Variants in FGGY observed in about 807,000 individuals in gnomAD.
The protein encoded by FGGY is FGGY carbohydrate kinase domain-containing protein.
Under a neutral mutation model 71.3 loss-of-function variants are expected in FGGY, and 72 were observed. The ratio of observed to expected loss-of-function variants is 1.01; its 90% CI spans 0.84 to 1.23. FGGY has a LOEUF of 1.23. Ranked by LOEUF, FGGY falls within the 50% of genes most tolerant of loss-of-function variation. The probability of loss-of-function intolerance (pLI) is 0.00; values close to 1 mark genes in which losing one functional copy is unlikely to be tolerated. For missense variants in FGGY, 668 were observed against 682.3 expected (o/e 0.98, Z 0.23); for synonymous variants, 251 against 250.3 (o/e 1.00, Z -0.02).
At chr1:59,345,189 T>G (rs1570710729) in intron 3 of FGGY, among the ~76,000 whole-genome samples, 2 of 152,308 alleles carry the variant, frequency 1.3e-5, no homozygotes, top group East Asian at 3.9e-4. Flanking sequence ...TTACAAACAT[T>G]TACTATTAGC....
intron 8 of FGGY, among the ~76,000 whole-genome samples, chr1:59,576,473 C>T (rs565725181): frequency 8.5e-5 from 13 of 152,108 alleles, no homozygotes; most frequent in South Asian, 8.3e-4. Flanking sequence ...GCCTAGATGA[C>T]GGGTTGATAG....
chr1:59,691,868 T>C (rs1008163951), intron 14 of FGGY, among the ~76,000 whole-genome samples: 4 of 152,180 alleles, frequency 2.6e-5, no homozygotes, highest in Non-Finnish European at 4.4e-5. Context: ...ACTTACTTTA[T>C]TTTTGTCATT....
chr1:59,510,040 CTTTTTT>C (rs10608143), intron 6 of FGGY, among the ~76,000 whole-genome samples: 12 of 139,946 alleles, frequency 8.6e-5, no homozygotes, highest in African/African-American at 2.5e-4. Context: ...TTTCTTTTTT[CTTTTTT>C]TTTTTTTTTA....
intron 6 of FGGY, among the ~76,000 whole-genome samples, chr1:59,508,561 C>G (rs2094447964): frequency 6.6e-6 from 1 of 152,130 alleles, no homozygotes; most frequent in African/African-American, 2.4e-5. Flanking sequence ...GCTCTAGTGC[C>G]CTCAGTGTAC....
chr1:59,387,825 A>G (rs1461126664), intron 5 of FGGY, among the ~76,000 whole-genome samples: 2 of 152,164 alleles, frequency 1.3e-5, no homozygotes, highest in Non-Finnish European at 2.9e-5. Context: ...TGATCAGCCA[A>G]TACTAACAAC....
intron 11 of FGGY, among the ~76,000 whole-genome samples, chr1:59,638,665 A>G (rs1299999697): frequency 6.6e-6 from 1 of 152,140 alleles, no homozygotes; most frequent in Non-Finnish European, 1.5e-5. Context: ...TTTGGCATTT[A>G]TATCAGTTTG....
intron 6 of FGGY, among the ~76,000 whole-genome samples, chr1:59,501,804 G>C (rs1479362525): frequency 6.6e-6 from 1 of 152,126 alleles, no homozygotes. Flanking sequence ...CACAGGTTCT[G>C]CAGTTTGCTC....
rs1571235915 is a variant in FGGY, at chr1:59,374,849, A to G, written c.466-3900A>G. ...CGCATATTCTCACTCATAGGTGGGAATTGAACAATGGGAACACATGGTCAC... is the reference window on the plus strand; with the variant it reads ...CGCATATTCTCACTCATAGGTGGGAGTTGAACAATGGGAACACATGGTCAC... On this transcript the variant is annotated intron_variant, in intron 4 of 15. Coordinates refer to ENST00000303721, the MANE Select transcript of FGGY (RefSeq NM_018291.5). 3.6e-5 allele frequency among the ~76,000 whole-genome samples: 5 copies of G among 139,754 alleles called. No individual in the cohort carries two copies. The South Asian group carries it at 1.1e-3, about 32-fold the overall frequency. The allele number at this position is 139,754 out of a possible 152,430, so 91.7% of individuals were successfully genotyped here.
Position 59,378,814 on chromosome 1 carries a change from G to A in FGGY, c.531G>A (p.Trp177Ter), listed in dbSNP as rs1328662307. ...HFFDLPDFLS[W>*]KATGVTARSL... ...TTGATCTCCCGGACTTCTTATCGTG[G>A]AAGGCAACAGGTGTCACAGCACGGT... The change falls in exon 5 of 16, where the codon TGG (tryptophan) becomes TGA (stop). Residue 177 changes from tryptophan (W) to a stop codon, truncating the protein, a stop_gained. Transcript: ENST00000303721. LOFTEE classifies it high-confidence loss of function. The A allele has an allele frequency of 6.2e-7, 1 of 1,613,472 alleles. No individual in the cohort carries two copies. Among genetic ancestry groups the A allele is most frequent in the East Asian group, 2.2e-5 (1 of 44,862 alleles).
intron 2 of FGGY, among the ~76,000 whole-genome samples, chr1:59,330,938 G>A (rs922058829): frequency 1.3e-5 from 2 of 152,134 alleles, no homozygotes; most frequent in Admixed American, 6.5e-5. Flanking sequence ...ATGTCAGGAG[G>A]CAGACATCCT....
At chr1:59,457,219 T>G (rs919617295) in intron 6 of FGGY, 143 bp downstream of exon 6, 5 of 631,290 alleles carry the variant, frequency 7.9e-6, no homozygotes, top group Non-Finnish European at 1.4e-5. Flanking sequence ...ACAAATGAGT[T>G]AATTATGATG....
intron 8 of FGGY, among the ~76,000 whole-genome samples, chr1:59,580,875 T>C (rs985631051): frequency 2.0e-5 from 3 of 152,192 alleles, no homozygotes; most frequent in African/African-American, 4.8e-5. Context: ...ATCTATTCCA[T>C]TGAGTGACCT....
chr1:59,386,929 T>C (rs116135326), intron 5 of FGGY, among the ~76,000 whole-genome samples: 180 of 152,280 alleles, frequency 1.2e-3, no homozygotes, highest in African/African-American at 4.2e-3. Context: ...TCCTCTCCCC[T>C]CCATTATAAT....
At chr1:59,757,786 C>A in intron 14 of FGGY, 145 bp from the exon 15 acceptor site, 1 of 571,436 alleles carries the variant, frequency 1.7e-6, no homozygotes, top group Non-Finnish European at 3.1e-6. Context: ...TTCTTATTAC[C>A]AAAGAAAAGT....
chr1:59,405,485 A>C (rs1003617131), intron 5 of FGGY, among the ~76,000 whole-genome samples: 1 of 152,344 alleles, frequency 6.6e-6, no homozygotes, highest in South Asian at 2.1e-4. Flanking sequence ...AAGGTGTTTT[A>C]TGGCTAGTAG....
chr1:59,457,819 A>G (rs1327380917), intron 6 of FGGY, among the ~76,000 whole-genome samples: 1 of 152,240 alleles, frequency 6.6e-6, no homozygotes, highest in East Asian at 1.9e-4. Flanking sequence ...TCTAGAAAAA[A>G]GCAGAAACTA....
intron 8 of FGGY, among the ~76,000 whole-genome samples, chr1:59,575,692 A>T (rs1351924933): frequency 6.6e-6 from 1 of 152,208 alleles, no homozygotes; most frequent in African/African-American, 2.4e-5. Flanking sequence ...AAATGCCTGT[A>T]CTAGTTTACA....
intron 5 of FGGY, among the ~76,000 whole-genome samples, chr1:59,425,566 G>A (rs2066212052): frequency 6.6e-6 from 1 of 152,178 alleles, no homozygotes; most frequent in Admixed American, 6.5e-5. Flanking sequence ...AAACCGCATT[G>A]CCTGGCTTTC....
At chr1:59,362,884 A>C (rs1397390631) in intron 4 of FGGY, among the ~76,000 whole-genome samples, 1 of 152,208 alleles carries the variant, frequency 6.6e-6, no homozygotes, top group Admixed American at 6.5e-5. Flanking sequence ...ATCTTCTATG[A>C]GCATACCTAG....
Sources: gnomAD v4.1 joint callset for allele counts (sites outside exome capture counted in the v4.1 genomes callset) on GRCh38, gnomAD v4.1.1 for gene constraint, MANE v1.5 for transcripts, NCBI Gene and HGNC (gene_info 2026-07-23, HGNC 2026-07-21) for gene names.